The following SNAPC4 variants were observed in gnomAD, a reference collection of about 807,000 sequenced individuals.
The protein encoded by SNAPC4 is small nuclear RNA activating complex polypeptide 4, also known as snRNA-activating protein complex subunit 4.
SNAPC4 carries 127 observed loss-of-function variants against 151.3 expected under a neutral mutation model. The observed-to-expected ratio is 0.84, with a 90% CI of 0.73 to 0.97. The LOEUF (loss-of-function observed/expected upper bound fraction) is 0.97. Among genes scored for constraint, SNAPC4 ranks in the 50% least tolerant of loss-of-function variants. SNAPC4 has a pLI of 0.00. For missense variants in SNAPC4, 2,186 were observed against 1,935.0 expected (o/e 1.13, Z -2.43); for synonymous variants, 1,002 against 824.4 (o/e 1.22, Z -3.69).
chr9:136,377,346 C>T (rs952674972), intron 22 of SNAPC4, among the ~76,000 whole-genome samples, 197 bp downstream of exon 22: 1 of 151,956 alleles, frequency 6.6e-6, no homozygotes, highest in Non-Finnish European at 1.5e-5. Context: ...TCCACACTGC[C>T]CCAAAGGGAG....
At position 136,383,533 on chromosome 9, in the gene SNAPC4, C is replaced by G. The variant is rs542621319; in HGVS notation, c.1636G>C (p.Glu546Gln). The change falls in exon 16 of 24, where the codon GAG (glutamate) becomes CAG (glutamine). Residue 546 changes from glutamate (E) to glutamine (Q), a missense_variant. By Grantham distance (29) the Glu-to-Gln change is conservative. Coordinates refer to ENST00000684778, the MANE Select transcript of SNAPC4 (RefSeq NM_003086.4). This position sits in a 1 kb window ranked among gnomAD's most constrained non-coding sequence, Gnocchi z 4.2. The part of the protein sequence containing the change: ...SSSSSSSEED[E>Q]PEQAQAGEGD... ...TCCCCGGCCTGCGCCTGCTCTGGCT[C>G]GTCCTCCTCGCTGCTGCTGCTGCTG... 3.1e-6 allele frequency: 5 copies of G among 1,592,528 alleles called. No individual in the cohort carries two copies. In the South Asian group the frequency reaches 4.5e-5, roughly 14 times the overall value.
rs775796018 is a variant in SNAPC4 at position 136,377,903 on chromosome 9, C to T, written c.3924G>A (p.Leu1308=). The change falls in exon 22 of 24, where the codon CTG becomes CTA. Residue 1308 remains leucine (L), a synonymous_variant. Transcript: ENST00000684778. ...GACCGGACAGAGCTCGCAGGCTGCACAGGGCTGGGGGCTGATAGGGCAGTC... is the reference window on the plus strand; with the variant it reads ...GACCGGACAGAGCTCGCAGGCTGCATAGGGCTGGGGGCTGATAGGGCAGTC... ...GSRLPYQPPA[L]CSLRALSGLL... 11 of 1,611,228 alleles carry T rather than the reference C, an allele frequency of 6.8e-6. No homozygotes were observed. The highest frequency in any genetic ancestry group is 2.7e-5 in the African/African-American group (2 of 74,900).
At chr9:136,382,450 T>C (rs1833735018) in intron 16 of SNAPC4, 114 bp from the exon 17 acceptor site, 1 of 880,212 alleles carries the variant, frequency 1.1e-6, no homozygotes, top group South Asian at 1.5e-5. Flanking sequence ...AGCGTGGCTG[T>C]GTACAGCTCT....
chr9:136,394,490 G>C (rs1834191530), intron 6 of SNAPC4, among the ~76,000 whole-genome samples, 160 bp from the exon 7 acceptor site: 1 of 152,258 alleles, frequency 6.6e-6, no homozygotes, highest in South Asian at 2.1e-4. Context: ...AGCTGACAGA[G>C]CTCCACCCGA....
intron 5 of SNAPC4, 138 bp from the exon 6 acceptor site, chr9:136,395,016 C>T: frequency 3.6e-6 from 3 of 835,038 alleles, no homozygotes; most frequent in Non-Finnish European, 3.7e-6. Context: ...TGTGGGGGTG[C>T]AACCCTGCCG....
chr9:136,397,742 G>A (rs1403595312), intron 2 of SNAPC4, among the ~76,000 whole-genome samples: 33 of 143,618 alleles, frequency 2.3e-4, no homozygotes, highest in African/African-American at 8.6e-4. Context: ...CTTGGGGTGG[G>A]GAGCACGTGG....
rs1171518063 is a variant in SNAPC4 at position 136,379,125 on chromosome 9, C to CGCTTCTCCTGAAGCA, written c.2687_2701dup (p.Leu896_Lys900dup). Reference sequence around the variant, plus strand: ...CTCCCTGGCACGGGCCTCCTGAAGCCGCTTCTCCTGAAGCAGCTCCGACAC... The same window carrying CGCTTCTCCTGAAGCA: ...CTCCCTGGCACGGGCCTCCTGAAGCCGCTTCTCCTGAAGCAGCTTCTCCTGAAGCAGCTCCGACAC... On this transcript the variant is annotated inframe_insertion, in exon 22 of 24. Transcript: ENST00000684778. 6.4e-7 allele frequency: 1 copy of CGCTTCTCCTGAAGCA among 1,565,272 alleles called. No individual in the cohort carries two copies. The highest frequency in any genetic ancestry group is 2.3e-5 in the East Asian group (1 of 43,406).
intron 1 of SNAPC4, 79 bp from the exon 2 acceptor site, chr9:136,398,516 A>G (rs894931652): frequency 6.6e-7 from 1 of 1,523,344 alleles, no homozygotes; most frequent in African/African-American, 1.4e-5. Context: ...ACACCCGCCC[A>G]TGGGGGATGG....
rs768537044 is a variant in SNAPC4 at position 136,381,900 on chromosome 9, A to G, written c.2241T>C (p.Ala747=). The G allele has an allele frequency of 6.2e-7, 1 of 1,612,974 alleles. No individual in the cohort carries two copies. The highest frequency in any genetic ancestry group is 1.1e-5 in the South Asian group (1 of 91,084). Residue 747 remains alanine (A), a synonymous_variant, in exon 18 of 24, where the codon GCT becomes GCC. Coordinates refer to ENST00000684778, the MANE Select transcript of SNAPC4 (RefSeq NM_003086.4). ...RRLLNRRLLL[A]VTPWVGDVVV... ...CAACGTCCCCTACCCAAGGGGTCAC[A>G]GCCAGCAGCAGCCTGCGGTTCAGGA...
intron 2 of SNAPC4, among the ~76,000 whole-genome samples, chr9:136,397,621 G>A (rs1166311913): frequency 9.9e-5 from 11 of 110,738 alleles, no homozygotes; most frequent in African/African-American, 3.7e-4. Flanking sequence ...AGGGGAGCAC[G>A]TGGGGTGGGG....
At chr9:136,398,255 C>A (rs371014868) in intron 2 of SNAPC4, 44 bp downstream of exon 2, 1 of 1,578,648 alleles carries the variant, frequency 6.3e-7, no homozygotes, top group Non-Finnish European at 8.6e-7. Context: ...GGCAGACCAG[C>A]TGTTCTTACC....
chr9:136,399,882 G>A (rs968309401), intron 1 of SNAPC4, among the ~76,000 whole-genome samples: 8 of 152,122 alleles, frequency 5.3e-5, no homozygotes, highest in African/African-American at 1.7e-4. Flanking sequence ...TGCAGCCGGG[G>A]CCGCCCCGCC....
At chr9:136,393,262 G>A (rs910658016) in intron 7 of SNAPC4, among the ~76,000 whole-genome samples, 2 of 152,334 alleles carry the variant, frequency 1.3e-5, no homozygotes, top group African/African-American at 2.4e-5. Flanking sequence ...CAGGCCACGG[G>A]GGGCAGGCGG....
intron 13 of SNAPC4, 32 bp downstream of exon 13, chr9:136,387,453 G>C: frequency 6.7e-7 from 1 of 1,482,526 alleles, no homozygotes; most frequent in Non-Finnish European, 9.4e-7. Flanking sequence ...ACCCACACGG[G>C]CCCCTCCCTC....
Position 136,377,565 on chromosome 9 carries a change from G to GTGCAGCCCGGCTGCCC in SNAPC4, c.4246_4261dup (p.Thr1421ArgfsTer20). 6.6e-7 allele frequency: 1 copy of GTGCAGCCCGGCTGCCC among 1,519,162 alleles called. No homozygotes were observed. Among genetic ancestry groups the GTGCAGCCCGGCTGCCC allele is most frequent in the Middle Eastern group, 1.8e-4 (1 of 5,608 alleles). 94.1% of individuals were successfully genotyped at this position (1,519,162 alleles called of 1,614,324 possible). Reference sequence around the variant, plus strand: ...TACCTGAATGGGGCATGTGGCTGTCGTGCAGCCCGGCTGCCCGTCCCTGTC... The same window carrying GTGCAGCCCGGCTGCCC: ...TACCTGAATGGGGCATGTGGCTGTCGTGCAGCCCGGCTGCCCTGCAGCCCGGCTGCCCGTCCCTGTC... On this transcript the variant is annotated frameshift_variant, in exon 22 of 24. Transcript: ENST00000684778. LOFTEE classifies it high-confidence loss of function.
intron 7 of SNAPC4, among the ~76,000 whole-genome samples, chr9:136,393,436 TCTCTGGG>T (rs1274895803): frequency 6.6e-6 from 1 of 152,122 alleles, no homozygotes; most frequent in Non-Finnish European, 1.5e-5. Context: ...TGCTGCTGGG[TCTCTGGG>T]CTCTGGGAGC....
Position 136,378,938 on chromosome 9 carries a change from A to G in SNAPC4, c.2889T>C (p.Pro963=). The G allele has an allele frequency of 1.2e-6, 2 of 1,610,612 alleles. No individual in the cohort carries two copies. Among genetic ancestry groups the G allele is most frequent in the Non-Finnish European group, 1.7e-6 (2 of 1,179,328 alleles). The part of the protein sequence containing the change: ...SGPGAPAAAK[P]GTSGSWQEAG... The stretch of plus-strand genomic sequence containing the variant: ...CCTCCTGCCAGGAGCCAGAAGTGCC[A>G]GGTTTGGCTGCCGCGGGGGCCCCAG... Residue 963 remains proline (P), a synonymous_variant, in exon 22 of 24, where the codon CCT becomes CCC. Transcript: ENST00000684778.
intron 19 of SNAPC4, 80 bp from the exon 20 acceptor site, chr9:136,380,930 G>T: frequency 1.2e-6 from 1 of 824,192 alleles, no homozygotes. Flanking sequence ...GCAGAACCTG[G>T]GGCAGCCCTG....
rs1271040422 is a variant in SNAPC4, at chr9:136,394,293, C to T, written c.588G>A (p.Val196=). The part of the protein sequence containing the change: ...NWEKALLRKS[V]VSDRLQRLLQ... ...GCAATCGCTGCAGGCGGTCACTCAC[C>T]ACTGACTTTCGGAGCAAGGCCTTTT... The change falls in exon 7 of 24, where the codon GTG becomes GTA. Residue 196 remains valine, a synonymous_variant. Coordinates refer to ENST00000684778, the MANE Select transcript of SNAPC4 (RefSeq NM_003086.4). The T allele has an allele frequency of 6.2e-7, 1 of 1,613,856 alleles. No homozygotes were observed. Among genetic ancestry groups the T allele is most frequent in the African/African-American group, 1.3e-5 (1 of 74,944 alleles).
Sources: gnomAD v4.1 joint callset for allele counts (sites outside exome capture counted in the v4.1 genomes callset) on GRCh38, gnomAD v4.1.1 for gene constraint, Gnocchi (gnomAD v3.1) non-coding constraint, MANE v1.5 for transcripts, NCBI Gene and HGNC (gene_info 2026-07-23, HGNC 2026-07-21) for gene names.